Variants in NBPF15 observed in about 807,000 individuals in gnomAD.
NBPF15 encodes the protein NBPF family member NBPF15.
In NBPF15, 74 loss-of-function variants were observed where a neutral mutation model predicts 62.2. The observed-to-expected ratio is 1.19, with a 90% CI of 0.99 to 1.44. The LOEUF (loss-of-function observed/expected upper bound fraction) is 1.44, where lower values mean the gene tolerates loss of function less well. Among genes scored for constraint, NBPF15 ranks in the 40% most tolerant of loss-of-function variants. The pLI is 0.00. For synonymous variants in NBPF15, 244 were observed against 209.7 expected (o/e 1.16, Z -1.41); for missense variants, 790 against 550.0 (o/e 1.44, Z -4.36).
intron 11 of NBPF15, 47 bp from the exon 12 acceptor site, chr1:144,435,363 G>A (rs1677430175): frequency 1.0e-5 from 14 of 1,348,054 alleles, no homozygotes; most frequent in African/African-American, 2.9e-5. Context: ...AAACACAGAG[G>A]GATTGGACCC....
At position 144,423,052 on chromosome 1, in the gene NBPF15, G is replaced by A. The variant is rs782819812; in HGVS notation, c.1974C>T (p.Leu658=). 4.3e-6 allele frequency: 7 copies of A among 1,611,632 alleles called. No homozygotes were observed. The highest frequency in any genetic ancestry group is 2.2e-5 in the East Asian group (1 of 44,868). ...TGACTCCCATCTGGAACACCAGGTG[G>A]AGACTTGTCACCGTCAAAGTAAAAA... ...NRFFTLTVTS[L]HLVFQMGVIF... Residue 658 remains leucine (L), a synonymous_variant, in exon 22 of 22, where the codon CTC becomes CTT. Transcript: ENST00000581897.
At chr1:144,456,353 T>C (rs1647800942) in intron 4 of NBPF15, among the ~76,000 whole-genome samples, 184 bp downstream of exon 4, 1 of 151,978 alleles carries the variant, frequency 6.6e-6, no homozygotes, top group African/African-American at 2.4e-5. Flanking sequence ...GCACTGCAGG[T>C]CGAGGGTGGC....
intron 6 of NBPF15, chr1:144,442,695 G>A (rs1358429739): frequency 6.0e-6 from 1 of 165,614 alleles, no homozygotes; most frequent in Non-Finnish European, 1.3e-5. Flanking sequence ...CCATCCCAGG[G>A]AAAACCTTCC....
Position 144,436,976 on chromosome 1 carries a change from T to C in NBPF15, c.412A>G (p.Lys138Glu). The change falls in exon 10 of 22, where the codon AAG becomes GAG. Residue 138 changes from lysine to glutamate, a missense_variant. Physicochemically the swap from Lys to Glu is moderately conservative, Grantham distance 56 (BLOSUM62 1). Transcript: ENST00000581897. ...QALLTPDEPDKSQGQDLQEQL... is the reference protein window; with the variant it reads ...QALLTPDEPDESQGQDLQEQL... ...TCTTGGAGGTCCTGCCCCTGGGACT[T>C]GTCCGGCTCATCCGGAGTGAGGAGG... 1 of 1,601,938 alleles carries C rather than the reference T, an allele frequency of 6.2e-7. No homozygotes were observed. The highest frequency in any genetic ancestry group is 8.5e-7 in the Non-Finnish European group (1 of 1,170,328).
At chr1:144,427,781 C>G (rs1219126057) in intron 16 of NBPF15, 37 bp downstream of exon 16, 1 of 621,160 alleles carries the variant, frequency 1.6e-6, no homozygotes, top group Non-Finnish European at 2.9e-6. Flanking sequence ...CCAGAAGACT[C>G]AGTGGATCCT....
intron 17 of NBPF15, 55 bp from the exon 18 acceptor site, chr1:144,426,505 G>C (rs1270322407): frequency 2.5e-6 from 2 of 785,602 alleles, no homozygotes; most frequent in African/African-American, 3.4e-5. Context: ...AAACCACACA[G>C]CCCCAGCTAG....
Position 144,451,114 on chromosome 1 carries a change from G to A in NBPF15, c.-431-244C>T, listed in dbSNP as rs1690825668. On this transcript the variant is annotated intron_variant, in intron 4 of 21. Transcript: ENST00000581897. ...ATTTCCGGAGAGGGGGATGTGGCAGGACAATAGGATAATAGTGGAGAGAAG... is the reference window on the plus strand; with the variant it reads ...ATTTCCGGAGAGGGGGATGTGGCAGAACAATAGGATAATAGTGGAGAGAAG... Among the ~76,000 whole-genome samples the A allele has an allele frequency of 2.0e-5, 3 of 151,950 alleles. No homozygotes were observed. In the South Asian group the frequency reaches 6.2e-4, roughly 32 times the overall value.
chr1:144,434,537 AG>A (rs1306175643), intron 12 of NBPF15, among the ~76,000 whole-genome samples: 1 of 124,696 alleles, frequency 8.0e-6, no homozygotes, highest in Admixed American at 8.0e-5. Context: ...GATGCTACAA[AG>A]AAACATTGGA....
At chr1:144,452,027 CTGTAA>C (rs1283961807) in intron 4 of NBPF15, among the ~76,000 whole-genome samples, 1 of 151,382 alleles carries the variant, frequency 6.6e-6, no homozygotes, top group Non-Finnish European at 1.5e-5. Flanking sequence ...TAGCAGGCGC[CTGTAA>C]TCCCAGCTAT....
chr1:144,423,026 A>C lies in NBPF15; in HGVS notation c.2000T>G (p.Ile667Arg), dbSNP rs1553538493. ...AGTAAGAGCTGCTTATTGTGGGAAT[A>C]TGACTCCCATCTGGAACACCAGGTG... ...SLHLVFQMGV[I>R]FPQ Residue 667 changes from isoleucine (I) to arginine (R), a missense_variant, in exon 22 of 22, where the codon ATA becomes AGA. Physicochemically the swap from Ile to Arg is moderately conservative, Grantham distance 97 (BLOSUM62 -3). Transcript: ENST00000581897. 1.9e-6 allele frequency: 3 copies of C among 1,611,668 alleles called. No individual in the cohort carries two copies. In the South Asian group the frequency reaches 3.3e-5, roughly 18 times the overall value.
chr1:144,437,201 A>G, intron 9 of NBPF15, 92 bp from the exon 10 acceptor site: 1 of 1,232,984 alleles, frequency 8.1e-7, no homozygotes, highest in Non-Finnish European at 1.2e-6. Flanking sequence ...CAATGTCCTC[A>G]AGGAGACCTC....
intron 8 of NBPF15, among the ~76,000 whole-genome samples, chr1:144,438,260 G>A (rs1225919596): frequency 6.6e-6 from 1 of 150,420 alleles, no homozygotes; most frequent in Non-Finnish European, 1.5e-5. Flanking sequence ...AACCTCAAGG[G>A]CACATCAAGG....
intron 13 of NBPF15, among the ~76,000 whole-genome samples, chr1:144,433,334 C>A (rs1292687701): frequency 9.2e-5 from 14 of 151,850 alleles, no homozygotes; most frequent in Admixed American, 5.2e-4. Context: ...CACTAAATGC[C>A]CACAAGAGAA....
At chr1:144,451,179 A>C (rs587675590) in intron 4 of NBPF15, among the ~76,000 whole-genome samples, 5 of 151,794 alleles carry the variant, frequency 3.3e-5, no homozygotes, top group African/African-American at 1.2e-4. Flanking sequence ...TCTGCATCAT[A>C]AACAAGGTAA....
At chr1:144,455,283 G>GGGAAGGAA (rs145460444) in intron 4 of NBPF15, among the ~76,000 whole-genome samples, 3 of 142,950 alleles carry the variant, frequency 2.1e-5, no homozygotes, top group South Asian at 2.2e-4. Flanking sequence ...GAGAGAAGTA[G>GGGAAGGAA]GGAAGGAAGG....
Position 144,435,247 on chromosome 1 carries a change from T to G in NBPF15, c.636A>C (p.Ser212=). ...DSLEECAITC[S]NSHGPYDSNQ... is the part of the protein sequence containing the mutation. ...TGGAGTCATAAGGGCCATGGCTATT[T>G]GAACAAGTGATGGCACATTCCTCCA... The change falls in exon 12 of 22, where the codon TCA becomes TCC. Residue 212 remains serine, a synonymous_variant. Transcript: ENST00000581897. The G allele has an allele frequency of 6.2e-7, 1 of 1,612,814 alleles. No individual in the cohort carries two copies. The highest frequency in any genetic ancestry group is 1.7e-5 in the Admixed American group (1 of 59,964).
In NBPF15 at chr1:144,422,666, G is replaced by C; in HGVS notation, c.*347C>G. The C allele has an allele frequency of 6.9e-6, 3 of 431,674 alleles. No individual in the cohort carries two copies. In the South Asian group the frequency reaches 7.1e-5, roughly 10 times the overall value. 26.7% of individuals were successfully genotyped at this position (431,674 alleles called of 1,614,324 possible). ...CTTTGGATGAGCTAAACACAAAGAT[G>C]ACAATGACCTTGAGCAGGTATAGAA... On this transcript the variant is annotated 3_prime_UTR_variant, in exon 22 of 22. Coordinates refer to ENST00000581897, the MANE Select transcript of NBPF15 (RefSeq NM_001385408.1).
chr1:144,428,246 C>T (rs1304458416), intron 15 of NBPF15, among the ~76,000 whole-genome samples: 1 of 151,706 alleles, frequency 6.6e-6, no homozygotes, highest in African/African-American at 2.4e-5. Context: ...AGGTGACACA[C>T]TGATGAGGGA....
chr1:144,445,278 A>G (rs1447925961), intron 6 of NBPF15, among the ~76,000 whole-genome samples: 1 of 139,858 alleles, frequency 7.2e-6, no homozygotes, highest in African/African-American at 2.6e-5. Context: ...ATGTATATAT[A>G]TATATATATA....
Sources: allele counts gnomAD v4.1 joint callset (sites outside exome capture counted in the v4.1 genomes callset), GRCh38; gene constraint gnomAD v4.1.1; transcripts MANE v1.5; gene names NCBI Gene and HGNC (gene_info 2026-07-23, HGNC 2026-07-21).